Variants in ZNF579 observed in about 807,000 individuals in gnomAD.
ZNF579 encodes zinc finger protein 579.
Under a neutral mutation model 5.7 loss-of-function variants are expected in ZNF579, and 3 were observed. The ratio of observed to expected loss-of-function variants is 0.53; its 90% CI spans 0.24 to 1.36. The LOEUF (loss-of-function observed/expected upper bound fraction) is 1.36, where lower values mean the gene tolerates loss of function less well. Among genes scored for constraint, ZNF579 ranks in the 40% most tolerant of loss-of-function variants. The probability of loss-of-function intolerance (pLI) is 0.16; values close to 1 mark genes in which losing one functional copy is unlikely to be tolerated. For missense variants in ZNF579, 679 were observed against 877.6 expected, an observed-to-expected ratio of 0.77 and a Z score of 2.86; for synonymous variants, 454 against 409.0, an observed-to-expected ratio of 1.11 and a Z score of -1.33.
chr19:55,578,583 C>G lies in ZNF579; in HGVS notation c.1057G>C (p.Glu353Gln). 5.4e-6 allele frequency: 8 copies of G among 1,476,914 alleles called. No homozygotes were observed. Among genetic ancestry groups the G allele is most frequent in the Non-Finnish European group, 7.1e-6 (8 of 1,124,152 alleles). The allele number at this position is 1,476,914 out of a possible 1,614,324, so 91.5% of individuals were successfully genotyped here. A position where few individuals can be genotyped will look rare whatever the true frequency, so the allele number is the denominator to read the frequency against. ...RNSAKGPEGGEGAECGGASEG... is the reference protein window; with the variant it reads ...RNSAKGPEGGQGAECGGASEG... ...GAGGCACCCCCGCACTCCGCCCCCT[C>G]GCCCCCCTCCGGCCCCTTGGCTGAG... The change falls in exon 2 of 2, where the codon GAG (glutamate) becomes CAG (glutamine). Residue 353 changes from glutamate to glutamine, a missense_variant. Around this residue, in one of 6 missense-constraint regions of ZNF579, gnomAD observed 114 missense variants for 98.9 expected, o/e 1.15. Coordinates refer to ENST00000325421, the MANE Select transcript of ZNF579 (RefSeq NM_152600.3).
Position 55,578,973 on chromosome 19 carries a change from G to T in ZNF579, c.667C>A (p.Leu223Met). The T allele has an allele frequency of 6.5e-7, 1 of 1,543,072 alleles. No homozygotes were observed. The change falls in exon 2 of 2, where the codon CTG (leucine) becomes ATG (methionine). Residue 223 changes from leucine (L) to methionine (M), a missense_variant. Transcript: ENST00000325421. Reference sequence around the variant, plus strand: ...AGCAGCGTCCAGTCTGCCTGGAGCAGGACCTGTTTCTCCTCCTGCCGCCCG... The same window carrying T: ...AGCAGCGTCCAGTCTGCCTGGAGCATGACCTGTTTCTCCTCCTGCCGCCCG... ...AAGRQEEKQV[L>M]LQADWTLLCL...
chr19:55,579,353 G>A lies in ZNF579; in HGVS notation c.287C>T (p.Pro96Leu). ...HLSRHLRGHGPQPPLRCAACP... is the reference protein window; with the variant it reads ...HLSRHLRGHGLQPPLRCAACP... The stretch of plus-strand genomic sequence containing the variant: ...GGCGGCGCAGCGCAGCGGGGGCTGG[G>A]GCCCGTGGCCGCGCAGGTGGCGGGA... The change falls in exon 2 of 2, where the codon CCC becomes CTC. Residue 96 changes from proline to leucine, a missense_variant. By Grantham distance (98) the Pro-to-Leu change is moderately conservative (BLOSUM62 -3). Coordinates refer to ENST00000325421, the MANE Select transcript of ZNF579 (RefSeq NM_152600.3). 7.4e-7 allele frequency: 1 copy of A among 1,357,166 alleles called. No individual in the cohort carries two copies. The allele number at this position is 1,357,166 out of a possible 1,614,324, so 84.1% of individuals were successfully genotyped here. A position where few individuals can be genotyped will look rare whatever the true frequency, so the allele number is the denominator to read the frequency against.
chr19:55,579,867 G>A (rs1380542304), intron 1 of ZNF579: 5 of 428,042 alleles, frequency 1.2e-5, no homozygotes, highest in Non-Finnish European at 2.0e-5. Context: ...ACAGAGCAGG[G>A]AATAGAGACA....
chr19:55,578,064 CA>C lies in ZNF579; in HGVS notation c.1575del (p.Val526SerfsTer23), dbSNP rs780743187. 4 of 1,583,078 alleles carry C rather than the reference CA, an allele frequency of 2.5e-6. No individual in the cohort carries two copies. The highest frequency in any genetic ancestry group is 1.8e-5 in the Admixed American group (1 of 54,782). ...TCGAAACAGGAGGCGCTGAGGAAGACAGGGGGAGCCGGCGGGGACTGGGGTG... is the reference window on the plus strand; with the variant it reads ...TCGAAACAGGAGGCGCTGAGGAAGACGGGGGAGCCGGCGGGGACTGGGGTG... ...GTPPQSPPAPPVFLSASCFDS... is the reference protein window; with the variant it reads ...GTPPQSPPAPXVFLSASCFDS... On this transcript the variant is annotated frameshift_variant, in exon 2 of 2. Transcript: ENST00000325421. LOFTEE classifies it high-confidence loss of function.
rs1404778165 is a variant in ZNF579 at position 55,579,457 on chromosome 19, C to T, written c.183G>A (p.Arg61=). 1.5e-6 allele frequency: 2 copies of T among 1,342,306 alleles called. No individual in the cohort carries two copies. The highest frequency in any genetic ancestry group is 3.2e-5 in the East Asian group (1 of 30,914). 83.1% of individuals were successfully genotyped at this position (1,342,306 alleles called of 1,614,324 possible). A position where few individuals can be genotyped will look rare whatever the true frequency, so the allele number is the denominator to read the frequency against. ...RLFRFPYYLS[R]HRLSHSGLRP... is the part of the protein sequence containing the mutation. Reference sequence around the variant, plus strand: ...GGAGCCCCGAGTGGCTCAGCCGGTGCCGGGAGAGGTAGTAGGGGAAACGGA... The same window carrying T: ...GGAGCCCCGAGTGGCTCAGCCGGTGTCGGGAGAGGTAGTAGGGGAAACGGA... Residue 61 remains arginine (R), a synonymous_variant, in exon 2 of 2, where the codon CGG becomes CGA. Coordinates refer to ENST00000325421, the MANE Select transcript of ZNF579 (RefSeq NM_152600.3).
intron 1 of ZNF579, among the ~76,000 whole-genome samples, 164 bp downstream of exon 1, chr19:55,580,630 TG>T (rs1308010965): frequency 8.4e-6 from 1 of 119,678 alleles, no homozygotes; most frequent in African/African-American, 3.3e-5. Flanking sequence ...GGGAGGCTGG[TG>T]GGGGTCGGGG....
rs34164618 is a variant in ZNF579 at position 55,578,710 on chromosome 19, G to A, written c.930C>T (p.Ala310=). The change falls in exon 2 of 2, where the codon GCC becomes GCT. Residue 310 remains alanine (A), a synonymous_variant. Coordinates refer to ENST00000325421, the MANE Select transcript of ZNF579 (RefSeq NM_152600.3). The stretch of plus-strand genomic sequence containing the variant: ...CGCGGCGGTGCTGGCGGAGGTAGGA[G>A]GCGAGGCGGAAGGCCAGGCCGCAGT... The part of the protein sequence containing the change: ...CPDCGLAFRL[A]SYLRQHRRVH... The A allele has an allele frequency of 2.5e-6, 4 of 1,584,440 alleles. No homozygotes were observed. The highest frequency in any genetic ancestry group is 3.4e-6 in the Non-Finnish European group (4 of 1,169,316).
At position 55,579,587 on chromosome 19, in the gene ZNF579, C is replaced by G. The variant is rs1979576407; in HGVS notation, c.53G>C (p.Arg18Pro). Residue 18 changes from arginine (R) to proline (P), a missense_variant, in exon 2 of 2, where the codon CGA becomes CCA. By Grantham distance (103) the Arg-to-Pro change is moderately radical. Around this residue, in one of 6 missense-constraint regions of ZNF579, gnomAD observed 134 missense variants for 208.9 expected, o/e 0.64. Transcript: ENST00000325421. The part of the protein sequence containing the change: ...PAQGSPPHRG[R>P]GRGRGRGRGR... ...ACGGCCTCGGCCACGGCCCCGGCCT[C>G]GGCCACGGTGAGGTGGGCTGCCCTG... is the stretch of plus-strand genomic sequence containing the variant. 3.3e-6 allele frequency: 5 copies of G among 1,494,506 alleles called. No individual in the cohort carries two copies. Among genetic ancestry groups the G allele is most frequent in the Non-Finnish European group, 1.8e-6 (2 of 1,128,864 alleles). 92.6% of individuals were successfully genotyped at this position (1,494,506 alleles called of 1,614,324 possible).
In ZNF579 at chr19:55,577,873, G is replaced by A; in HGVS notation, c.*78C>T. 1.3e-6 allele frequency: 2 copies of A among 1,529,716 alleles called. No individual in the cohort carries two copies. The highest frequency in any genetic ancestry group is 1.8e-6 in the Non-Finnish European group (2 of 1,142,308). The allele number at this position is 1,529,716 out of a possible 1,614,324, so 94.8% of individuals were successfully genotyped here. A position where few individuals can be genotyped will look rare whatever the true frequency, so the allele number is the denominator to read the frequency against. On this transcript the variant is annotated 3_prime_UTR_variant, in exon 2 of 2. Coordinates refer to ENST00000325421, the MANE Select transcript of ZNF579 (RefSeq NM_152600.3). ...GGGGACGGGTGGGTAGACAGAGGAG[G>A]TGGCTCCTTCAACTTCCCTCCTCCA...
At position 55,577,271 on chromosome 19, in the gene ZNF579, G is replaced by C. The variant is rs1421777401; in HGVS notation, c.*680C>G. 1 of 154,582 alleles carries C rather than the reference G, an allele frequency of 6.5e-6. No homozygotes were observed. 9.6% of individuals were successfully genotyped at this position (154,582 alleles called of 1,614,324 possible). On this transcript the variant is annotated 3_prime_UTR_variant, in exon 2 of 2. Transcript: ENST00000325421. ...GTAGAGATTGACTGAGTAAGGCGCG[G>C]AGCTTCCACAGGGCAGTGGTGAGGA...
Position 55,579,519 on chromosome 19 carries a change from T to C in ZNF579, c.121A>G (p.Arg41Gly), listed in dbSNP as rs746422828. The C allele has an allele frequency of 1.8e-5, 25 of 1,421,126 alleles. No homozygotes were observed. The South Asian group carries it at 3.4e-4, about 19-fold the overall frequency. 88.0% of individuals were successfully genotyped at this position (1,421,126 alleles called of 1,614,324 possible). ...CAGGTGGGGCAGGGCAGGGGCGCCC[T>C]AGGGGCTCCAGCGCCCCCCCTGCCA... ...GRGRGGAGAP[R>G]APLPCPTCGR... The change falls in exon 2 of 2, where the codon AGG becomes GGG. Residue 41 changes from arginine (R) to glycine (G), a missense_variant. Around this residue, in one of 6 missense-constraint regions of ZNF579, gnomAD observed 134 missense variants for 208.9 expected, o/e 0.64. Transcript: ENST00000325421.
Position 55,579,500 on chromosome 19 carries a change from G to A in ZNF579, c.140C>T (p.Pro47Leu). Residue 47 changes from proline (P) to leucine (L), a missense_variant, in exon 2 of 2, where the codon CCC (proline) becomes CTC (leucine). By Grantham distance (98) the Pro-to-Leu change is moderately conservative. Transcript: ENST00000325421. ...GAAACGGAAGAGGCGGCCGCAGGTG[G>A]GGCAGGGCAGGGGCGCCCTAGGGGC... ...AGAPRAPLPC[P>L]TCGRLFRFPY... The A allele has an allele frequency of 2.2e-6, 3 of 1,371,750 alleles. No homozygotes were observed. The highest frequency in any genetic ancestry group is 2.8e-6 in the Non-Finnish European group (3 of 1,065,616). 85.0% of individuals were successfully genotyped at this position (1,371,750 alleles called of 1,614,324 possible).
In ZNF579 at chr19:55,578,551, C is replaced by T; in HGVS notation, c.1089G>A (p.Gly363=). The T allele has an allele frequency of 7.0e-7, 1 of 1,430,646 alleles. No individual in the cohort carries two copies. The highest frequency in any genetic ancestry group is 9.1e-7 in the Non-Finnish European group (1 of 1,101,214). 88.6% of individuals were successfully genotyped at this position (1,430,646 alleles called of 1,614,324 possible). A position where few individuals can be genotyped will look rare whatever the true frequency, so the allele number is the denominator to read the frequency against. ...CGTCGCCTCCGTTCTGCCCTTCTCC[C>T]CCTTCCGAGGCACCCCCGCACTCCG... ...EGAECGGASE[G]GEGQNGGDAA... is the part of the protein sequence containing the mutation. Residue 363 remains glycine, a synonymous_variant, in exon 2 of 2, where the codon GGG becomes GGA. Transcript: ENST00000325421.
chr19:55,579,444 G>A lies in ZNF579; in HGVS notation c.196C>T (p.His66Tyr). 1 of 1,338,948 alleles carries A rather than the reference G, an allele frequency of 7.5e-7. No homozygotes were observed. The highest frequency in any genetic ancestry group is 9.6e-7 in the Non-Finnish European group (1 of 1,042,838). 82.9% of individuals were successfully genotyped at this position (1,338,948 alleles called of 1,614,324 possible). A position where few individuals can be genotyped will look rare whatever the true frequency, so the allele number is the denominator to read the frequency against. The change falls in exon 2 of 2, where the codon CAC becomes TAC. Residue 66 changes from histidine to tyrosine, a missense_variant. Physicochemically the swap from His to Tyr is moderately conservative, Grantham distance 83. This residue lies in a region of ZNF579 where 134 missense variants were observed against 208.9 expected (regional missense o/e 0.64). Transcript: ENST00000325421. ...PYYLSRHRLS[H>Y]SGLRPHACPL... ...CAGGCGTGGGGCCGGAGCCCCGAGT[G>A]GCTCAGCCGGTGCCGGGAGAGGTAG...
Position 55,577,879 on chromosome 19 carries a change from C to T in ZNF579, c.*72G>A, listed in dbSNP as rs1325954319. On this transcript the variant is annotated 3_prime_UTR_variant, in exon 2 of 2. Transcript: ENST00000325421. ...GGGTGGGTAGACAGAGGAGGTGGCT[C>T]CTTCAACTTCCCTCCTCCATTCTGC... is the stretch of plus-strand genomic sequence containing the variant. The T allele has an allele frequency of 6.5e-7, 1 of 1,533,878 alleles. No homozygotes were observed. Among genetic ancestry groups the T allele is most frequent in the South Asian group, 1.2e-5 (1 of 82,796 alleles).
Position 55,578,881 on chromosome 19 carries a change from G to C in ZNF579, c.759C>G (p.Pro253=), listed in dbSNP as rs1366321570. ...GELKAHPCLR[P]EGEQEGEGGP... ...CCCCTTCCCCTTCCTGTTCGCCCTCGGGGCGCAGACACGGGTGCGCCTTGA... is the reference window on the plus strand; with the variant it reads ...CCCCTTCCCCTTCCTGTTCGCCCTCCGGGCGCAGACACGGGTGCGCCTTGA... Residue 253 remains proline, a synonymous_variant, in exon 2 of 2, where the codon CCC becomes CCG. Transcript: ENST00000325421. 4 of 1,596,100 alleles carry C rather than the reference G, an allele frequency of 2.5e-6. No homozygotes were observed. The highest frequency in any genetic ancestry group is 3.4e-6 in the Non-Finnish European group (4 of 1,171,778).
Position 55,577,698 on chromosome 19 carries a change from C to T in ZNF579, c.*253G>A. ...CACCAGTCTCCATCCCTCTGGCCAA[C>T]TGTCCGCCGCCTTTTTTTCCAAGTC... On this transcript the variant is annotated 3_prime_UTR_variant, in exon 2 of 2. Transcript: ENST00000325421. 1.7e-6 allele frequency: 1 copy of T among 586,770 alleles called. No individual in the cohort carries two copies. The highest frequency in any genetic ancestry group is 2.8e-6 in the Non-Finnish European group (1 of 357,982). 36.3% of individuals were successfully genotyped at this position (586,770 alleles called of 1,614,324 possible).
intron 1 of ZNF579, 39 bp from the exon 2 acceptor site, chr19:55,579,680 G>A (rs1979581361): frequency 5.7e-6 from 8 of 1,393,924 alleles, no homozygotes; most frequent in South Asian, 1.5e-5. Context: ...GCGGGGCAGA[G>A]ATAAAAAGAG....
chr19:55,578,848 C>G lies in ZNF579; in HGVS notation c.792G>C (p.Pro264=). The G allele has an allele frequency of 6.3e-7, 1 of 1,599,198 alleles. No individual in the cohort carries two copies. Among genetic ancestry groups the G allele is most frequent in the South Asian group, 1.1e-5 (1 of 89,604 alleles). Residue 264 remains proline, a synonymous_variant, in exon 2 of 2, where the codon CCG becomes CCC. Transcript: ENST00000325421. ...AGCACTGGTGTCGCTTGGGGCGTGG[C>G]GGGGGCCCCCCTTCCCCTTCCTGTT... The part of the protein sequence containing the change: ...EGEQEGEGGP[P]PRPKRHQCSI...
Sources: gnomAD v4.1 joint callset for allele counts (sites outside exome capture counted in the v4.1 genomes callset) on GRCh38, gnomAD v4.1.1 for gene constraint, gnomAD v4.1.1 regional missense constraint, MANE v1.5 for transcripts, NCBI Gene and HGNC (gene_info 2026-07-23, HGNC 2026-07-21) for gene names.